The following NDRG3 variants were observed in gnomAD, a reference collection of about 807,000 sequenced individuals.
NDRG3 encodes the protein NDRG family member 3, also known as protein NDRG3.
In NDRG3, 23 loss-of-function variants were observed where a neutral mutation model predicts 57.2. That is an observed-to-expected ratio of 0.40 (90% CI 0.29 to 0.57). The LOEUF is 0.57. NDRG3 is among the 20% of genes least tolerant of loss of function. The probability of loss-of-function intolerance (pLI) is 0.42; values close to 1 mark genes in which losing one functional copy is unlikely to be tolerated. For synonymous variants in NDRG3, 132 were observed against 162.6 expected (o/e 0.81, Z 1.43); for missense variants, 384 against 457.3 (o/e 0.84, Z 1.46).
chr20:36,678,132 G>A (rs1427777603), intron 8 of NDRG3, among the ~76,000 whole-genome samples: 3 of 152,148 alleles, frequency 2.0e-5, no homozygotes, highest in Non-Finnish European at 4.4e-5. Context: ...ACATGTCGTT[G>A]GAAGGAGTAG....
chr20:36,736,424 C>T lies in NDRG3; in HGVS notation c.-49+9621G>A, dbSNP rs1391310218. Reference sequence around the variant, plus strand: ...TAAGTGATTTCTGAATTCACACAGCCAGCTAGGTGTGGAGCTGGAACTAGC... The same window carrying T: ...TAAGTGATTTCTGAATTCACACAGCTAGCTAGGTGTGGAGCTGGAACTAGC... On this transcript the variant is annotated intron_variant, in intron 1 of 15. Coordinates refer to ENST00000349004, the MANE Select transcript of NDRG3 (RefSeq NM_032013.4). Among the ~76,000 whole-genome samples the T allele has an allele frequency of 4.6e-5, 7 of 152,294 alleles. No individual in the cohort carries two copies. In the East Asian group the frequency reaches 1.3e-3, roughly 29 times the overall value.
intron 9 of NDRG3, among the ~76,000 whole-genome samples, chr20:36,666,594 A>T (rs1979657207): frequency 6.6e-6 from 1 of 152,196 alleles, no homozygotes. Context: ...ATTCTGTGTC[A>T]GATGAGGGCA....
chr20:36,699,764 G>T (rs750631263), intron 3 of NDRG3, among the ~76,000 whole-genome samples: 7 of 151,890 alleles, frequency 4.6e-5, no homozygotes, highest in Non-Finnish European at 7.4e-5. Context: ...GCCAGGGAAG[G>T]TCAGGAGAAG....
At position 36,730,723 on chromosome 20, in the gene NDRG3, GAATT is replaced by G. The variant is rs1031465910; in HGVS notation, c.-48-8944_-48-8941del. Among the ~76,000 whole-genome samples the G allele has an allele frequency of 1.1e-4, 17 of 151,986 alleles. 1 individual carries two copies. The highest frequency in any genetic ancestry group is 6.3e-3 in the Middle Eastern group (2 of 316). On this transcript the variant is annotated intron_variant, in intron 1 of 15. Coordinates refer to ENST00000349004, the MANE Select transcript of NDRG3 (RefSeq NM_032013.4). ...AGCACTGTGGGAGGCCGAGATGGGA[GAATT>G]ATTTGAGGCCAGGAGTTCGAGACCA... is the stretch of plus-strand genomic sequence containing the variant.
intron 3 of NDRG3, among the ~76,000 whole-genome samples, chr20:36,705,321 CAAAAA>C (rs1174347133): frequency 1.2e-4 from 9 of 72,240 alleles, no homozygotes; most frequent in South Asian, 9.8e-4. Context: ...GACTCTGTCT[CAAAAA>C]AAAAAAAAAA....
intron 3 of NDRG3, among the ~76,000 whole-genome samples, chr20:36,702,428 G>A (rs1247483813): frequency 1.3e-5 from 2 of 152,016 alleles, no homozygotes; most frequent in South Asian, 2.1e-4. Context: ...GAGCGACCGC[G>A]CCCGGCCCCA....
chr20:36,717,220 A>G (rs368885036), intron 2 of NDRG3, among the ~76,000 whole-genome samples: 1 of 152,200 alleles, frequency 6.6e-6, no homozygotes, highest in African/African-American at 2.4e-5. Flanking sequence ...ATACTAAAAT[A>G]AAATGGGAAA....
chr20:36,666,064 G>T (rs1215052765), intron 10 of NDRG3, among the ~76,000 whole-genome samples: 1 of 152,104 alleles, frequency 6.6e-6, no homozygotes, highest in Non-Finnish European at 1.5e-5. Flanking sequence ...AAAGAGACAA[G>T]GTTCAAAATC....
chr20:36,652,670 T>C lies in NDRG3; in HGVS notation c.*850A>G, dbSNP rs1367634265. 2.0e-5 allele frequency: 3 copies of C among 152,198 alleles called. No individual in the cohort carries two copies. The highest frequency in any genetic ancestry group is 4.4e-5 in the Non-Finnish European group (3 of 68,048). The allele number at this position is 152,198 out of a possible 1,614,324, so 9.4% of individuals were successfully genotyped here. The stretch of plus-strand genomic sequence containing the variant: ...GGATATGTGGATGTCTGGTATCAGA[T>C]ACTGCAGCGACAGCAGTTTTGCTCT... On this transcript the variant is annotated 3_prime_UTR_variant, in exon 16 of 16. Coordinates refer to ENST00000349004, the MANE Select transcript of NDRG3 (RefSeq NM_032013.4).
chr20:36,670,892 C>T (rs543744219), intron 9 of NDRG3, among the ~76,000 whole-genome samples: 77 of 152,282 alleles, frequency 5.1e-4, no homozygotes, highest in Non-Finnish European at 7.2e-4. Flanking sequence ...ATTATGAACA[C>T]GATAACTGCC....
At chr20:36,654,816 G>A (rs751893641) in intron 15 of NDRG3, 7 of 779,674 alleles carry the variant, frequency 9.0e-6, no homozygotes, top group Non-Finnish European at 1.7e-5. Flanking sequence ...TCGGTGCTCA[G>A]GTGACTGAGC....
intron 8 of NDRG3, among the ~76,000 whole-genome samples, chr20:36,674,781 G>C (rs1385442373): frequency 6.9e-6 from 1 of 144,096 alleles, no homozygotes; most frequent in Non-Finnish European, 1.5e-5. Flanking sequence ...ACAAAGTCTT[G>C]TTCTGTTGAC....
intron 3 of NDRG3, among the ~76,000 whole-genome samples, chr20:36,699,809 A>G (rs186494791): frequency 2.9e-4 from 44 of 151,956 alleles, no homozygotes; most frequent in African/African-American, 1.0e-3. Context: ...GGTGGGGGTA[A>G]AAGACAATAC....
At chr20:36,744,392 A>AGG (rs11436318) in intron 1 of NDRG3, among the ~76,000 whole-genome samples, 4 of 151,994 alleles carry the variant, frequency 2.6e-5, no homozygotes, top group African/African-American at 9.7e-5. Flanking sequence ...AGTAATGAAA[A>AGG]GGGGGGGTGG....
intron 2 of NDRG3, among the ~76,000 whole-genome samples, chr20:36,707,602 A>G (rs1351266524): frequency 6.6e-6 from 1 of 152,230 alleles, no homozygotes; most frequent in African/African-American, 2.4e-5. Context: ...AATCGCTGAT[A>G]GGGAAAAAGG....
chr20:36,693,872 T>G (rs889478842), intron 3 of NDRG3, among the ~76,000 whole-genome samples: 1 of 152,086 alleles, frequency 6.6e-6, no homozygotes, highest in Non-Finnish European at 1.5e-5. Context: ...AATGTAATAA[T>G]AGAAAGTGCA....
chr20:36,742,281 AAGC>A (rs1985960785), intron 1 of NDRG3, among the ~76,000 whole-genome samples: 1 of 152,174 alleles, frequency 6.6e-6, no homozygotes, highest in African/African-American at 2.4e-5. Flanking sequence ...CCCCTGTTCT[AAGC>A]ACATAAATAG....
chr20:36,671,079 G>A (rs1980110779), intron 9 of NDRG3, among the ~76,000 whole-genome samples: 2 of 152,198 alleles, frequency 1.3e-5, no homozygotes, highest in South Asian at 4.1e-4. Flanking sequence ...GGCACGTGAT[G>A]TCAAACATTA....
At chr20:36,668,252 CAAAT>C (rs1979807140) in intron 9 of NDRG3, among the ~76,000 whole-genome samples, 1 of 152,102 alleles carries the variant, frequency 6.6e-6, no homozygotes, top group Admixed American at 6.6e-5. Context: ...AACAAACAAA[CAAAT>C]AAACAGACTC....
Sources: allele counts gnomAD v4.1 joint callset (sites outside exome capture counted in the v4.1 genomes callset), GRCh38; gene constraint gnomAD v4.1.1; transcripts MANE v1.5; gene names NCBI Gene and HGNC (gene_info 2026-07-23, HGNC 2026-07-21).